ARID1B: variants seen among roughly 807,000 people sequenced by gnomAD.
The protein encoded by ARID1B is AT-rich interaction domain 1B, also known as AT-rich interactive domain-containing protein 1B.
In ARID1B, 30 loss-of-function variants were observed where a neutral mutation model predicts 212.3. That is an observed-to-expected ratio of 0.14 (90% CI 0.11 to 0.19). The LOEUF is 0.19. Among genes scored for constraint, ARID1B ranks in the 10% least tolerant of loss-of-function variants. The pLI is 1.00. For synonymous variants in ARID1B, 1,402 were observed against 1,301.7 expected, an observed-to-expected ratio of 1.08 and a Z score of -1.66; for missense variants, 2,891 against 3,204.0, an observed-to-expected ratio of 0.90 and a Z score of 2.36.
At position 157,206,351 on chromosome 6, in the gene ARID1B, G is replaced by A. The variant is rs569199026; in HGVS notation, c.5579G>A (p.Cys1860Tyr). The stretch of plus-strand genomic sequence containing the variant: ...GGGAAAGAGGAGGAAGATGCTGAAT[G>A]TATTGATGACGACGAGGAAGACGAG... ...DSGKEEEDAE[C>Y]IDDDEEDEED... is the part of the protein sequence containing the mutation. Residue 1860 changes from cysteine (C) to tyrosine (Y), a missense_variant, in exon 20 of 20, where the codon TGT becomes TAT. Physicochemically the swap from Cys to Tyr is radical, Grantham distance 194. Around this residue, in one of 7 missense-constraint regions of ARID1B, gnomAD observed 332 missense variants for 369.2 expected, o/e 0.90. Transcript: ENST00000636930. The surrounding 1 kb of genome is among the most constrained non-coding windows in gnomAD (Gnocchi z 6.8). The A allele has an allele frequency of 6.2e-6, 10 of 1,614,206 alleles. No homozygotes were observed. The African/African-American group carries it at 1.1e-4, about 17-fold the overall frequency.
At chr6:156,966,657 A>C (rs2128336384) in intron 4 of ARID1B, among the ~76,000 whole-genome samples, 1 of 151,896 alleles carries the variant, frequency 6.6e-6, no homozygotes, top group African/African-American at 2.4e-5. Context: ...GTGCTCCCAA[A>C]GTGTAGGGAT....
In ARID1B at chr6:157,204,372, A is replaced by G. The variant is rs372148108; in HGVS notation, c.5394+376A>G. ...AGCATTGGAAACACAGTTGGTTGCA[A>G]TGGGACATAACCCTGCTTTCCAGGA... On this transcript the variant is annotated intron_variant, in intron 19 of 19. Coordinates refer to ENST00000636930, the MANE Select transcript of ARID1B (RefSeq NM_001374828.1). The G allele has an allele frequency of 7.8e-5, 13 of 166,028 alleles. No individual in the cohort carries two copies. The East Asian group carries it at 1.8e-3, about 22-fold the overall frequency. The allele number at this position is 166,028 out of a possible 1,614,324, so 10.3% of individuals were successfully genotyped here.
chr6:156,962,223 C>T (rs937220862), intron 4 of ARID1B, among the ~76,000 whole-genome samples: 3 of 151,926 alleles, frequency 2.0e-5, no homozygotes, highest in Non-Finnish European at 4.4e-5. Context: ...GGCGTGAACC[C>T]GGCGGGCGGA....
intron 4 of ARID1B, among the ~76,000 whole-genome samples, chr6:157,053,717 G>A (rs1026922401): frequency 6.6e-6 from 1 of 152,122 alleles, no homozygotes; most frequent in Non-Finnish European, 1.5e-5. Flanking sequence ...TGTTGCTTAC[G>A]TGTATAATAT....
intron 7 of ARID1B, among the ~76,000 whole-genome samples, chr6:157,146,064 C>T (rs1314715875): frequency 6.6e-6 from 1 of 152,090 alleles, no homozygotes; most frequent in East Asian, 1.9e-4. Context: ...CCTGCCAGAC[C>T]CAGCCTCTCC....
chr6:157,052,323 A>G (rs1782662926), intron 4 of ARID1B, among the ~76,000 whole-genome samples: 1 of 152,212 alleles, frequency 6.6e-6, no homozygotes, highest in Non-Finnish European at 1.5e-5. Context: ...CAACTAGGGT[A>G]TTGAATGGTA....
intron 6 of ARID1B, among the ~76,000 whole-genome samples, chr6:157,124,865 G>A (rs10457939): frequency 0.076 from 11,487 of 152,144 alleles, 569 homozygotes; most frequent in Non-Finnish European, 0.09. Context: ...AGCTGAAATG[G>A]GCTAATAATG....
At position 157,177,162 on chromosome 6, in the gene ARID1B, A is replaced by G. The variant is rs140268828; in HGVS notation, c.3504+2157A>G. On this transcript the variant is annotated intron_variant, in intron 11 of 19. Transcript: ENST00000636930. ...TATGATCTCTTCCTGTACCATAAAT[A>G]GTTTTAAGAATTTGCAAGCAAACTT... is the stretch of plus-strand genomic sequence containing the variant. Among the ~76,000 whole-genome samples the G allele has an allele frequency of 5.4e-3, 815 of 152,324 alleles. 9 individuals are homozygous for G. The highest frequency in any genetic ancestry group is 0.019 in the African/African-American group (773 of 41,568).
intron 1 of ARID1B, among the ~76,000 whole-genome samples, chr6:156,820,001 G>A (rs944778910): frequency 3.9e-5 from 6 of 152,210 alleles, no homozygotes; most frequent in African/African-American, 1.4e-4. Flanking sequence ...GAGAGGAGAG[G>A]AAGGGTCAGG....
rs373786567 is a variant in ARID1B, at chr6:157,183,958, A to G, written c.3715-273A>G. 3.8e-4 allele frequency among the ~76,000 whole-genome samples: 58 copies of G among 151,952 alleles called. 1 individual carries two copies. Among genetic ancestry groups the G allele is most frequent in the Admixed American group, 1.5e-3 (23 of 15,278 alleles). Reference sequence around the variant, plus strand: ...ATGTTTTGAGATGCCCTTTTTCCTTAATTGGAGGTGCAGTGGGATGAGCGT... The same window carrying G: ...ATGTTTTGAGATGCCCTTTTTCCTTGATTGGAGGTGCAGTGGGATGAGCGT... On this transcript the variant is annotated intron_variant, in intron 12 of 19. Transcript: ENST00000636930.
At chr6:156,997,099 C>T (rs1202830876) in intron 4 of ARID1B, among the ~76,000 whole-genome samples, 1 of 152,166 alleles carries the variant, frequency 6.6e-6, no homozygotes, top group Non-Finnish European at 1.5e-5. Flanking sequence ...ATTATTTTCA[C>T]AAGTACCCGT....
intron 16 of ARID1B, 45 bp downstream of exon 16, chr6:157,196,360 G>A (rs756768894): frequency 1.6e-5 from 25 of 1,569,112 alleles, no homozygotes; most frequent in Non-Finnish European, 1.9e-5. Flanking sequence ...ACTAGAAACC[G>A]TGCTTTCCTC....
intron 4 of ARID1B, among the ~76,000 whole-genome samples, chr6:157,073,386 G>C (rs1463044801): frequency 6.6e-6 from 1 of 151,954 alleles, no homozygotes; most frequent in Admixed American, 6.5e-5. Context: ...TTACAGATGT[G>C]AGCCACCGCG....
intron 1 of ARID1B, among the ~76,000 whole-genome samples, chr6:156,779,957 G>T (rs985738738): frequency 6.6e-6 from 1 of 152,206 alleles, no homozygotes; most frequent in Non-Finnish European, 1.5e-5. Context: ...GCCACAGCAC[G>T]TTCCCTCTTG....
intron 6 of ARID1B, among the ~76,000 whole-genome samples, chr6:157,113,761 T>G (rs1020338623): frequency 6.6e-6 from 1 of 152,206 alleles, no homozygotes; most frequent in Admixed American, 6.5e-5. Context: ...GTGTGTGTGT[T>G]GGTTAGGCAA....
At chr6:157,088,989 A>T (rs573390604) in intron 5 of ARID1B, among the ~76,000 whole-genome samples, 5 of 152,214 alleles carry the variant, frequency 3.3e-5, no homozygotes, top group African/African-American at 1.2e-4. Context: ...TCCCAGCACC[A>T]ACTTGTGTTT....
intron 7 of ARID1B, among the ~76,000 whole-genome samples, chr6:157,136,862 T>TA (rs973940569): frequency 1.3e-5 from 2 of 148,908 alleles, no homozygotes; most frequent in Non-Finnish European, 3.0e-5. Context: ...ACCCTGTCTT[T>TA]AAAAAAACAA....
At chr6:156,918,935 G>A (rs189508086) in intron 3 of ARID1B, among the ~76,000 whole-genome samples, 72 of 152,172 alleles carry the variant, frequency 4.7e-4, no homozygotes, top group African/African-American at 1.6e-3. Context: ...CTCAGCACTC[G>A]TTTTGAATAT....
intron 4 of ARID1B, among the ~76,000 whole-genome samples, chr6:156,961,384 A>G (rs993024685): frequency 6.6e-6 from 1 of 152,234 alleles, no homozygotes; most frequent in Non-Finnish European, 1.5e-5. Context: ...ATCACCGGTC[A>G]GGCTGTTAAG....
Sources: gnomAD v4.1 joint callset for allele counts (sites outside exome capture counted in the v4.1 genomes callset) on GRCh38, gnomAD v4.1.1 for gene constraint, gnomAD v4.1.1 regional missense constraint, Gnocchi (gnomAD v3.1) non-coding constraint, MANE v1.5 for transcripts, NCBI Gene and HGNC (gene_info 2026-07-23, HGNC 2026-07-21) for gene names.